Variants in CSMD1 observed in about 807,000 individuals in gnomAD.
CSMD1 encodes the protein CUB and sushi domain-containing protein 1.
CSMD1 carries 213 observed loss-of-function variants against 417.5 expected under a neutral mutation model. The observed-to-expected ratio is 0.51, with a 90% confidence interval of 0.46 to 0.57. The LOEUF (loss-of-function observed/expected upper bound fraction) is 0.57, where lower values mean the gene tolerates loss of function less well. Ranked by LOEUF, CSMD1 falls within the 20% of genes least tolerant of loss-of-function variation. The probability of loss-of-function intolerance (pLI) is 0.00; values close to 1 mark genes in which losing one functional copy is unlikely to be tolerated. For missense variants in CSMD1, 6,923 were observed against 4,529.7 expected, an observed-to-expected ratio of 1.53 and a Z score of -15.17; for synonymous variants, 2,862 against 1,736.8, an observed-to-expected ratio of 1.65 and a Z score of -16.11.
chr8:4,254,604 C>T (rs184755998), intron 3 of CSMD1, among the ~76,000 whole-genome samples: 209 of 152,304 alleles, frequency 1.4e-3, no homozygotes, highest in Non-Finnish European at 2.4e-3. Context: ...CACTTGCTGA[C>T]TCACCCTGGA....
At position 3,591,786 on chromosome 8, in the gene CSMD1, T is replaced by C. The variant is rs150177283; in HGVS notation, c.1098-5526A>G. On this transcript the variant is annotated intron_variant, in intron 8 of 69. Coordinates refer to ENST00000635120, the MANE Select transcript of CSMD1 (RefSeq NM_033225.6). The stretch of plus-strand genomic sequence containing the variant: ...ATAGACAAAGAGATGGATGGATGGA[T>C]AGATGGAAAGATGGAAAGATGGATA... Among the ~76,000 whole-genome samples the C allele has an allele frequency of 3.2e-3, 481 of 152,070 alleles. 4 individuals are homozygous for C. The highest frequency in any genetic ancestry group is 0.011 in the African/African-American group (460 of 41,506).
chr8:4,082,192 G>A (rs993334970), intron 3 of CSMD1, among the ~76,000 whole-genome samples: 2 of 152,102 alleles, frequency 1.3e-5, no homozygotes, highest in Admixed American at 6.6e-5. Context: ...GATATACTGT[G>A]AATAAATTTT....
intron 10 of CSMD1, among the ~76,000 whole-genome samples, chr8:3,531,688 G>A (rs549255373): frequency 1.3e-5 from 2 of 152,318 alleles, no homozygotes; most frequent in East Asian, 3.9e-4. Flanking sequence ...TGAGGGCAAA[G>A]AGTCCTCAGC....
intron 23 of CSMD1, among the ~76,000 whole-genome samples, chr8:3,332,853 GCA>G (rs998109032): frequency 6.6e-6 from 1 of 152,172 alleles, no homozygotes; most frequent in Non-Finnish European, 1.5e-5. Context: ...TTGAGTGTGG[GCA>G]CAGTCTGTGA....
intron 1 of CSMD1, among the ~76,000 whole-genome samples, chr8:4,657,012 C>A (rs1804273583): frequency 1.3e-5 from 2 of 152,224 alleles, no homozygotes; most frequent in African/African-American, 4.8e-5. Flanking sequence ...CACCGTAGGG[C>A]ACGCAAAGCC....
rs562739281 is a variant in CSMD1 at position 3,590,132 on chromosome 8, A to G, written c.1098-3872T>C. Among the ~76,000 whole-genome samples, 422 of 152,296 alleles carry G rather than the reference A, an allele frequency of 2.8e-3. 3 individuals are homozygous for G. The highest frequency in any genetic ancestry group is 0.01 in the Admixed American group (157 of 15,300). ...TGACATGTAGTAATATAGAAAAAGA[A>G]AAAAGGACAATACAAAATTGTATGT... On this transcript the variant is annotated intron_variant, in intron 8 of 69. Coordinates refer to ENST00000635120, the MANE Select transcript of CSMD1 (RefSeq NM_033225.6).
chr8:4,641,735 A>G (rs1585378327), intron 1 of CSMD1, among the ~76,000 whole-genome samples: 1 of 152,200 alleles, frequency 6.6e-6, no homozygotes, highest in East Asian at 1.9e-4. Flanking sequence ...ATATATCACA[A>G]TAAATACCTT....
chr8:3,501,619 G>C (rs1330969445), intron 10 of CSMD1, among the ~76,000 whole-genome samples: 2 of 152,106 alleles, frequency 1.3e-5, no homozygotes, highest in South Asian at 2.1e-4. Context: ...GAAAACTGAC[G>C]CTATAATGTA....
At chr8:3,379,875 C>G (rs1264081408) in intron 18 of CSMD1, among the ~76,000 whole-genome samples, 1 of 152,148 alleles carries the variant, frequency 6.6e-6, no homozygotes, top group Non-Finnish European at 1.5e-5. Context: ...AAAGCAATGG[C>G]AACAGAATCC....
chr8:4,112,331 C>G (rs996628875), intron 3 of CSMD1, among the ~76,000 whole-genome samples: 2 of 152,304 alleles, frequency 1.3e-5, no homozygotes, highest in Middle Eastern at 3.4e-3. Flanking sequence ...TGGCAACGGA[C>G]ACAGGCCTGT....
intron 5 of CSMD1, among the ~76,000 whole-genome samples, chr8:3,916,171 A>C (rs1302747722): frequency 4.6e-5 from 7 of 152,126 alleles, no homozygotes; most frequent in Admixed American, 4.6e-4. Flanking sequence ...ACTTCAAGAA[A>C]TTGAAGACAA....
chr8:4,229,901 T>C (rs1563307914), intron 3 of CSMD1, among the ~76,000 whole-genome samples: 5 of 152,242 alleles, frequency 3.3e-5, no homozygotes, highest in Admixed American at 2.6e-4. Context: ...CTTTGAGTGA[T>C]ACTCAATAAT....
chr8:3,860,034 G>T (rs868229352), intron 5 of CSMD1, among the ~76,000 whole-genome samples: 3 of 152,208 alleles, frequency 2.0e-5, no homozygotes, highest in Non-Finnish European at 2.9e-5. Flanking sequence ...GAATGTGCTT[G>T]TGGAGGGTCA....
intron 18 of CSMD1, among the ~76,000 whole-genome samples, chr8:3,381,856 A>T (rs1415537304): frequency 2.0e-5 from 3 of 152,200 alleles, no homozygotes; most frequent in Non-Finnish European, 2.9e-5. Flanking sequence ...GTCTATTTTC[A>T]GTCAATTTCT....
At chr8:3,048,168 A>G (rs1811578975) in intron 50 of CSMD1, among the ~76,000 whole-genome samples, 1 of 152,252 alleles carries the variant, frequency 6.6e-6, no homozygotes, top group Admixed American at 6.5e-5. Context: ...TACCCATGTC[A>G]GTCAGGACAC....
chr8:3,304,743 T>A (rs1163211183), intron 25 of CSMD1, among the ~76,000 whole-genome samples: 1 of 152,074 alleles, frequency 6.6e-6, no homozygotes, highest in Non-Finnish European at 1.5e-5. Flanking sequence ...TTTAATTTTT[T>A]TTATTAAAAT....
At chr8:4,243,804 G>C (rs1172431478) in intron 3 of CSMD1, among the ~76,000 whole-genome samples, 1 of 152,160 alleles carries the variant, frequency 6.6e-6, no homozygotes, top group Non-Finnish European at 1.5e-5. Flanking sequence ...ATCATGACAA[G>C]GTCATCTTTA....
At chr8:4,227,459 C>G (rs1183861459) in intron 3 of CSMD1, among the ~76,000 whole-genome samples, 3 of 152,086 alleles carry the variant, frequency 2.0e-5, no homozygotes, top group Admixed American at 6.5e-5. Flanking sequence ...ACATTCAGAA[C>G]AAGAAAAGTT....
At chr8:4,826,260 T>A (rs146080102) in intron 1 of CSMD1, among the ~76,000 whole-genome samples, 6 of 151,944 alleles carry the variant, frequency 3.9e-5, no homozygotes, top group Non-Finnish European at 8.8e-5. Context: ...GATGAACATA[T>A]AAAGAAAATG....
Sources: allele counts gnomAD v4.1 joint callset (sites outside exome capture counted in the v4.1 genomes callset), GRCh38; gene constraint gnomAD v4.1.1; transcripts MANE v1.5; gene names NCBI Gene and HGNC (gene_info 2026-07-23, HGNC 2026-07-21).